Variants in C8orf34 observed in about 807,000 individuals in gnomAD.
C8orf34 encodes the protein chromosome 8 open reading frame 34.
C8orf34 carries 65 observed loss-of-function variants against 68.3 expected under a neutral mutation model. The observed-to-expected ratio is 0.95, with a 90% CI of 0.78 to 1.17. The LOEUF (loss-of-function observed/expected upper bound fraction) is 1.17, where lower values mean the gene tolerates loss of function less well. C8orf34 is among the 50% of genes most tolerant of loss of function. The pLI, the probability that C8orf34 is intolerant of heterozygous loss-of-function variation, is 0.00. For synonymous variants in C8orf34, 244 were observed against 241.2 expected, an observed-to-expected ratio of 1.01 and a Z score of -0.11; for missense variants, 664 against 655.4, an observed-to-expected ratio of 1.01 and a Z score of -0.14.
intron 10 of C8orf34, among the ~76,000 whole-genome samples, chr8:68,762,454 C>T (rs1266021764): frequency 6.6e-6 from 1 of 152,154 alleles, no homozygotes; most frequent in Non-Finnish European, 1.5e-5. Context: ...TCTCAATTAA[C>T]ATTGAAAGTC....
chr8:68,467,037 A>G (rs1171959095), intron 3 of C8orf34, among the ~76,000 whole-genome samples: 3 of 151,886 alleles, frequency 2.0e-5, no homozygotes, highest in Non-Finnish European at 4.4e-5. Flanking sequence ...CTAACCTGCA[A>G]TCACTTTCAC....
At chr8:68,676,445 C>G (rs1365551755) in intron 8 of C8orf34, among the ~76,000 whole-genome samples, 1 of 152,126 alleles carries the variant, frequency 6.6e-6, no homozygotes, top group African/African-American at 2.4e-5. Flanking sequence ...GATTTCAACA[C>G]CCTACTTTCA....
At chr8:68,492,781 T>G in intron 5 of C8orf34, among the ~76,000 whole-genome samples, 2 of 148,504 alleles carry the variant, frequency 1.3e-5, no homozygotes, top group East Asian at 4.0e-4. Context: ...GCAGAAAGTG[T>G]GCTCACCCAC....
rs559966939 is a variant in C8orf34 at position 68,566,688 on chromosome 8, T to C, written c.1105+33539T>C. ...AACCAGGCATTGGCTTCAGGGAATG[T>C]TGTGACTGCTTTGATCTTCTTTCCA... is the stretch of plus-strand genomic sequence containing the variant. On this transcript the variant is annotated intron_variant, in intron 7 of 13. Coordinates refer to ENST00000518698, the MANE Select transcript of C8orf34 (RefSeq NM_052958.4). 3.6e-4 allele frequency among the ~76,000 whole-genome samples: 53 copies of C among 146,434 alleles called. 2 individuals carry two copies. In the South Asian group the frequency reaches 0.011, roughly 29 times the overall value.
chr8:68,521,903 G>T lies in C8orf34; in HGVS notation c.870G>T (p.Gln290His). 1 of 1,614,090 alleles carries T rather than the reference G, an allele frequency of 6.2e-7. No individual in the cohort carries two copies. Among genetic ancestry groups the T allele is most frequent in the Non-Finnish European group, 8.5e-7 (1 of 1,179,992 alleles). ...ATCCCCTAGCTGCTGAAATGCTACAGCCTCCAATTCCAAGAAGCAAAAATG... is the reference window on the plus strand; with the variant it reads ...ATCCCCTAGCTGCTGAAATGCTACATCCTCCAATTCCAAGAAGCAAAAATG... ...DADPLAAEML[Q>H]PPIPRSKNDQ... The change falls in exon 6 of 14, where the codon CAG becomes CAT. Residue 290 changes from glutamine (Q) to histidine (H), a missense_variant. Coordinates refer to ENST00000518698, the MANE Select transcript of C8orf34 (RefSeq NM_052958.4).
At chr8:68,331,468 G>A in intron 1 of C8orf34, 129 bp downstream of exon 1, 1 of 1,042,326 alleles carries the variant, frequency 9.6e-7, no homozygotes. Context: ...GGGAGAGGGC[G>A]CCCTGGGATT....
At chr8:68,694,144 G>C (rs1303268613) in intron 8 of C8orf34, among the ~76,000 whole-genome samples, 1 of 151,932 alleles carries the variant, frequency 6.6e-6, no homozygotes, top group African/African-American at 2.4e-5. Context: ...TTAAAAATAG[G>C]AGGGCGATTG....
chr8:68,703,722 G>A (rs1821084097), intron 8 of C8orf34, among the ~76,000 whole-genome samples: 1 of 152,054 alleles, frequency 6.6e-6, no homozygotes, highest in African/African-American at 2.4e-5. Flanking sequence ...TTCTTGTGGG[G>A]TTGAGCAACA....
chr8:68,655,533 T>A (rs1819486674), intron 8 of C8orf34, among the ~76,000 whole-genome samples: 1 of 152,184 alleles, frequency 6.6e-6, no homozygotes, highest in Non-Finnish European at 1.5e-5. Flanking sequence ...TCTGATTTTT[T>A]TCCTAGGCTA....
chr8:68,788,022 G>A (rs1416830635), intron 12 of C8orf34, among the ~76,000 whole-genome samples: 8 of 152,114 alleles, frequency 5.3e-5, no homozygotes, highest in Admixed American at 5.2e-4. Context: ...CTTGGTTCAA[G>A]TCACCATATT....
intron 7 of C8orf34, among the ~76,000 whole-genome samples, chr8:68,538,745 A>G (rs1815586754): frequency 6.6e-6 from 1 of 152,236 alleles, no homozygotes; most frequent in Non-Finnish European, 1.5e-5. Flanking sequence ...CTATACCAAC[A>G]CAAAGCACTA....
chr8:68,439,478 TG>T lies in C8orf34; in HGVS notation c.328-20del, dbSNP rs1239230639. ...TTGCTGTTATTATTAATTATAATTG[TG>T]TGCTCTATTCTGCCTTCAGGAATTA... is the stretch of plus-strand genomic sequence containing the variant. On this transcript the variant is annotated intron_variant, in intron 1 of 13. Transcript: ENST00000518698. The T allele has an allele frequency of 5.0e-6, 8 of 1,606,332 alleles. No individual in the cohort carries two copies. The African/African-American group carries it at 8.0e-5, about 16-fold the overall frequency.
intron 1 of C8orf34, among the ~76,000 whole-genome samples, chr8:68,341,737 C>A (rs971579224): frequency 2.0e-5 from 3 of 152,202 alleles, no homozygotes; most frequent in Admixed American, 1.3e-4. Flanking sequence ...ACGTCACCTT[C>A]TGTCATGAGT....
intron 7 of C8orf34, chr8:68,534,232 A>G: frequency 1.0e-6 from 1 of 985,302 alleles, no homozygotes; most frequent in Non-Finnish European, 1.2e-6. Flanking sequence ...TGCTAACATT[A>G]AGGAGATTGT....
At chr8:68,658,013 T>G (rs1819559055) in intron 8 of C8orf34, among the ~76,000 whole-genome samples, 3 of 152,240 alleles carry the variant, frequency 2.0e-5, no homozygotes, top group African/African-American at 7.2e-5. Flanking sequence ...AGCAGTTTTT[T>G]CTTTATGAGC....
Position 68,500,661 on chromosome 8 carries a change from A to AACAC in C8orf34, c.765+12620_765+12623dup, listed in dbSNP as rs144712674. On this transcript the variant is annotated intron_variant, in intron 5 of 13. Coordinates refer to ENST00000518698, the MANE Select transcript of C8orf34 (RefSeq NM_052958.4). ...CCACACTCACACCCACCCAGCCCTCAACACACACACACAGATGAGAGAGAA... is the reference window on the plus strand; with the variant it reads ...CCACACTCACACCCACCCAGCCCTCAACACACACACACACACAGATGAGAGAGAA... Among the ~76,000 whole-genome samples, 21 of 151,886 alleles carry AACAC rather than the reference A, an allele frequency of 1.4e-4. No homozygotes were observed. The East Asian group carries it at 4.1e-3, about 29-fold the overall frequency.
rs1300005927 is a variant in C8orf34 at position 68,446,470 on chromosome 8, T to C, written c.607+10T>C. 6.2e-7 allele frequency: 1 copy of C among 1,607,712 alleles called. No individual in the cohort carries two copies. Among genetic ancestry groups the C allele is most frequent in the Non-Finnish European group, 8.5e-7 (1 of 1,177,960 alleles). On this transcript the variant is annotated intron_variant, in intron 3 of 13. Transcript: ENST00000518698. ...CCGGACTCCAAATCATGTAAGGAAGTCTCTTATTCAAATGCTATTCAAAGC... is the reference window on the plus strand; with the variant it reads ...CCGGACTCCAAATCATGTAAGGAAGCCTCTTATTCAAATGCTATTCAAAGC...
intron 7 of C8orf34, among the ~76,000 whole-genome samples, chr8:68,543,034 A>G (rs1333564232): frequency 1.3e-5 from 2 of 152,158 alleles, no homozygotes; most frequent in Non-Finnish European, 2.9e-5. Context: ...CCATAAACAA[A>G]GAAAACCAAG....
At chr8:68,755,639 T>C (rs1822832742) in intron 10 of C8orf34, among the ~76,000 whole-genome samples, 1 of 152,188 alleles carries the variant, frequency 6.6e-6, no homozygotes. Context: ...TTAATTCTAA[T>C]ACCTTGCCTT....
Sources: allele counts gnomAD v4.1 joint callset (sites outside exome capture counted in the v4.1 genomes callset), GRCh38; gene constraint gnomAD v4.1.1; transcripts MANE v1.5; gene names NCBI Gene and HGNC (gene_info 2026-07-23, HGNC 2026-07-21).